PRKCQ: variants seen among roughly 807,000 people sequenced by gnomAD.
PRKCQ encodes protein kinase C theta type.
PRKCQ carries 41 observed loss-of-function variants against 91.2 expected under a neutral mutation model. The observed-to-expected ratio is 0.45, with a 90% CI of 0.35 to 0.58. The LOEUF (loss-of-function observed/expected upper bound fraction) is 0.58. PRKCQ is among the 20% of genes least tolerant of loss of function. The pLI, the probability that PRKCQ is intolerant of heterozygous loss-of-function variation, is 0.00. For missense variants in PRKCQ, 673 were observed against 896.5 expected (o/e 0.75, Z 3.18); for synonymous variants, 307 against 316.9 (o/e 0.97, Z 0.33).
chr10:6,468,944 G>A (rs753369863), intron 12 of PRKCQ, among the ~76,000 whole-genome samples: 59 of 152,182 alleles, frequency 3.9e-4, no homozygotes, highest in Non-Finnish European at 7.5e-4. Flanking sequence ...GGGAGCTATC[G>A]TTCATATTTA....
At chr10:6,429,255 T>TAAGTC (rs1833284770) in intron 17 of PRKCQ, among the ~76,000 whole-genome samples, 1 of 152,206 alleles carries the variant, frequency 6.6e-6, no homozygotes, top group African/African-American at 2.4e-5. Flanking sequence ...TGCAAAATAT[T>TAAGTC]AAGTCAATTT....
At chr10:6,432,879 T>C (rs944712) in intron 16 of PRKCQ, among the ~76,000 whole-genome samples, 27,249 of 152,058 alleles carry the variant, frequency 0.18, 3,154 homozygotes, top group Non-Finnish European at 0.24. Context: ...TGCCATGAGA[T>C]ACCCTCCCCT....
At chr10:6,577,603 C>G (rs948584770) in intron 1 of PRKCQ, among the ~76,000 whole-genome samples, 14 of 151,950 alleles carry the variant, frequency 9.2e-5, no homozygotes, top group Middle Eastern at 6.8e-3. Flanking sequence ...CATTATATAA[C>G]AATATATCAT....
intron 1 of PRKCQ, among the ~76,000 whole-genome samples, chr10:6,554,881 C>T (rs1012258336): frequency 1.3e-5 from 2 of 152,126 alleles, no homozygotes; most frequent in South Asian, 4.1e-4. Flanking sequence ...ACAGCAAAGA[C>T]ATGGAGTCAA....
chr10:6,456,763 T>G lies in PRKCQ; in HGVS notation c.1558A>C (p.Ile520Leu). Residue 520 changes from isoleucine (I) to leucine (L), a missense_variant, in exon 15 of 18, where the codon ATC (isoleucine) becomes CTC (leucine). Physicochemically the swap from Ile to Leu is conservative, Grantham distance 5. Coordinates refer to ENST00000263125, the MANE Select transcript of PRKCQ (RefSeq NM_006257.5). ...TCCTTGCACATTCCAAAATCCGCGATCTTGATATGTCCATCTTTGTCTAAC... is the reference window on the plus strand; with the variant it reads ...TCCTTGCACATTCCAAAATCCGCGAGCTTGATATGTCCATCTTTGTCTAAC... The part of the protein sequence containing the change: ...ILLDKDGHIK[I>L]ADFGMCKENM... 6.2e-7 allele frequency: 1 copy of G among 1,614,190 alleles called. No individual in the cohort carries two copies.
chr10:6,402,782 C>A, the PRKCQ span, among the ~76,000 whole-genome samples: 3 of 152,290 alleles, frequency 2.0e-5, no homozygotes, highest in East Asian at 3.9e-4. Flanking sequence ...TGGTCGTGGG[C>A]ACCTGTAGTC....
At chr10:6,544,549 C>T (rs1839884182) in intron 1 of PRKCQ, among the ~76,000 whole-genome samples, 1 of 152,052 alleles carries the variant, frequency 6.6e-6, no homozygotes, top group Admixed American at 6.5e-5. Context: ...CATTCACCTG[C>T]CCTTAGAATC....
chr10:6,464,081 G>A (rs1285194054), intron 13 of PRKCQ, among the ~76,000 whole-genome samples: 7 of 152,128 alleles, frequency 4.6e-5, no homozygotes, highest in African/African-American at 7.2e-5. Context: ...CTGATGAATC[G>A]GGATGGTTCC....
At chr10:6,404,998 C>T in the PRKCQ span, among the ~76,000 whole-genome samples, 1 of 149,352 alleles carries the variant, frequency 6.7e-6, no homozygotes, top group African/African-American at 2.5e-5. Context: ...TTCTTTCTTT[C>T]CTTCTGACAT....
chr10:6,567,706 G>A (rs1840882897), intron 1 of PRKCQ, among the ~76,000 whole-genome samples: 2 of 152,018 alleles, frequency 1.3e-5, no homozygotes, highest in Non-Finnish European at 2.9e-5. Context: ...TATTGCTGCT[G>A]GGATTTATTT....
chr10:6,433,848 T>C (rs1252355226), intron 16 of PRKCQ, among the ~76,000 whole-genome samples: 2 of 151,756 alleles, frequency 1.3e-5, no homozygotes, highest in African/African-American at 2.4e-5. Flanking sequence ...CTAGCCAACA[T>C]AGTGAAACCC....
the PRKCQ span, among the ~76,000 whole-genome samples, chr10:6,397,350 C>T: frequency 6.6e-6 from 1 of 152,150 alleles, no homozygotes; most frequent in Admixed American, 6.5e-5. Flanking sequence ...CCTCTTGGCC[C>T]CTCAAAGTGC....
intron 1 of PRKCQ, among the ~76,000 whole-genome samples, chr10:6,558,170 C>T (rs1840494965): frequency 6.6e-6 from 1 of 152,190 alleles, no homozygotes. Context: ...ATGACCCACA[C>T]AACCTCTTTA....
intron 12 of PRKCQ, among the ~76,000 whole-genome samples, chr10:6,477,163 T>G (rs1187478337): frequency 6.6e-6 from 1 of 152,206 alleles, no homozygotes; most frequent in Admixed American, 6.5e-5. Context: ...TTCAAATTCC[T>G]CTTTCTAGTT....
intron 1 of PRKCQ, among the ~76,000 whole-genome samples, chr10:6,520,269 C>T (rs571124203): frequency 8.5e-5 from 13 of 152,256 alleles, no homozygotes; most frequent in African/African-American, 1.4e-4. Flanking sequence ...TGCTGGGTGC[C>T]GCGACGCCCG....
intron 1 of PRKCQ, among the ~76,000 whole-genome samples, chr10:6,570,195 G>A (rs971331225): frequency 3.3e-5 from 5 of 152,240 alleles, no homozygotes; most frequent in Non-Finnish European, 7.4e-5. Flanking sequence ...GCCATGAGGA[G>A]AGTGCGGGTG....
chr10:6,468,698 T>C (rs374070720), intron 12 of PRKCQ, among the ~76,000 whole-genome samples: 2 of 152,226 alleles, frequency 1.3e-5, no homozygotes, highest in South Asian at 2.1e-4. Flanking sequence ...CACAAGAGAA[T>C]ATTTGCAATC....
At chr10:6,412,987 C>G in the PRKCQ span, among the ~76,000 whole-genome samples, 4 of 152,118 alleles carry the variant, frequency 2.6e-5, no homozygotes, top group African/African-American at 7.2e-5. Flanking sequence ...GAGTCTCACT[C>G]TGTTGCCCAG....
chr10:6,422,434 C>T (rs1005910217), downstream of PRKCQ, among the ~76,000 whole-genome samples: 1 of 152,138 alleles, frequency 6.6e-6, no homozygotes, highest in African/African-American at 2.4e-5. Flanking sequence ...ACTCCATAAC[C>T]CACTTGCTGT....
Sources: gnomAD v4.1 joint callset for allele counts (sites outside exome capture counted in the v4.1 genomes callset) on GRCh38, gnomAD v4.1.1 for gene constraint, MANE v1.5 for transcripts, NCBI Gene and HGNC (gene_info 2026-07-23, HGNC 2026-07-21) for gene names.